FRAS1: variants seen among roughly 807,000 people sequenced by gnomAD.
FRAS1 encodes Fraser extracellular matrix complex subunit 1, also known as extracellular matrix organizing protein FRAS1.
FRAS1 carries 290 observed loss-of-function variants against 435.2 expected under a neutral mutation model. The ratio of observed to expected loss-of-function variants is 0.67; its 90% CI spans 0.61 to 0.73. The LOEUF (loss-of-function observed/expected upper bound fraction) is 0.73, where lower values mean the gene tolerates loss of function less well. Ranked by LOEUF, FRAS1 falls within the 30% of genes least tolerant of loss-of-function variation. The pLI is 0.00. For missense variants in FRAS1, 4,860 were observed against 5,001.5 expected, an observed-to-expected ratio of 0.97 and a Z score of 0.85; for synonymous variants, 1,800 against 1,851.0, an observed-to-expected ratio of 0.97 and a Z score of 0.71.
intron 2 of FRAS1, among the ~76,000 whole-genome samples, chr4:78,099,855 G>A (rs369343650): frequency 7.9e-5 from 12 of 152,156 alleles, no homozygotes; most frequent in Non-Finnish European, 1.6e-4. Context: ...TACAGTCATC[G>A]TTCCTTGTCC....
rs147751150 is a variant in FRAS1, at chr4:78,200,048, A to G, written c.109-37462A>G. The stretch of plus-strand genomic sequence containing the variant: ...TGAAATATGATTTCTGTACAGAAGT[A>G]GGTATAGGTAATAACAACCACCATC... On this transcript the variant is annotated intron_variant, in intron 2 of 73. Transcript: ENST00000512123. 3.2e-3 allele frequency among the ~76,000 whole-genome samples: 480 copies of G among 152,328 alleles called. 1 individual carries two copies. Among genetic ancestry groups the G allele is most frequent in the Non-Finnish European group, 5.2e-3 (352 of 68,034 alleles).
chr4:78,067,097 A>G lies in FRAS1; in HGVS notation c.108+1081A>G, dbSNP rs532239940. Among the ~76,000 whole-genome samples the G allele has an allele frequency of 1.3e-3, 201 of 152,332 alleles. 1 individual carries two copies. The highest frequency in any genetic ancestry group is 4.7e-3 in the African/African-American group (195 of 41,574). On this transcript the variant is annotated intron_variant, in intron 2 of 73. Coordinates refer to ENST00000512123, the MANE Select transcript of FRAS1 (RefSeq NM_025074.7). Reference sequence around the variant, plus strand: ...GGGGAGCTACAGTAGATATTTAGACAAGTCAGTTATCCGTGCTAATAAAAG... The same window carrying G: ...GGGGAGCTACAGTAGATATTTAGACGAGTCAGTTATCCGTGCTAATAAAAG...
intron 6 of FRAS1, among the ~76,000 whole-genome samples, chr4:78,258,771 A>C (rs1560608868): frequency 6.8e-6 from 1 of 147,548 alleles, no homozygotes; most frequent in Non-Finnish European, 1.5e-5. Context: ...TTAGTTACAT[A>C]TGTATACATG....
chr4:78,320,281 C>T (rs1267507115), intron 18 of FRAS1, among the ~76,000 whole-genome samples: 1 of 152,118 alleles, frequency 6.6e-6, no homozygotes, highest in African/African-American at 2.4e-5. Context: ...GGAATATGGG[C>T]ATCATTGTTG....
intron 4 of FRAS1, among the ~76,000 whole-genome samples, chr4:78,249,720 T>C (rs1725444914): frequency 6.6e-6 from 1 of 152,214 alleles, no homozygotes; most frequent in South Asian, 2.1e-4. Flanking sequence ...TAAATTTACA[T>C]GATCAGAGAG....
In FRAS1 at chr4:78,057,639, G is replaced by T. The variant is rs1739530492; in HGVS notation, c.-371G>T. 2 of 306,686 alleles carry T rather than the reference G, an allele frequency of 6.5e-6. No homozygotes were observed. The highest frequency in any genetic ancestry group is 6.3e-5 in the East Asian group (1 of 15,958). 19.0% of individuals were successfully genotyped at this position (306,686 alleles called of 1,614,324 possible). On this transcript the variant is annotated 5_prime_UTR_variant, in exon 1 of 74. Coordinates refer to ENST00000512123, the MANE Select transcript of FRAS1 (RefSeq NM_025074.7). The surrounding 1 kb of genome is among the most constrained non-coding windows in gnomAD (Gnocchi z 4.2). Reference sequence around the variant, plus strand: ...CTGTCGGGGACCCGGGATCGGAAGGGTCTAGCCCGAGGGAAATGCTGGAAG... The same window carrying T: ...CTGTCGGGGACCCGGGATCGGAAGGTTCTAGCCCGAGGGAAATGCTGGAAG...
chr4:78,267,071 C>T, intron 8 of FRAS1, 136 bp downstream of exon 8: 1 of 899,444 alleles, frequency 1.1e-6, no homozygotes, highest in Admixed American at 2.7e-5. Context: ...GATATGAAGG[C>T]TCTGCTTCCT....
Position 78,057,336 on chromosome 4 carries a change from C to G in FRAS1, c.-674C>G, listed in dbSNP as rs573391851. Among the ~76,000 whole-genome samples the G allele has an allele frequency of 2.6e-5, 4 of 152,298 alleles. No homozygotes were observed. Among genetic ancestry groups the G allele is most frequent in the African/African-American group, 9.6e-5 (4 of 41,574 alleles). ...GCGCCCCCCAGTCTTTCCTCTGAAG[C>G]TTCCGAACAGTCTGCTTCAGGGAGC... On this transcript the variant is annotated 5_prime_UTR_variant, in exon 1 of 74. Transcript: ENST00000512123. The surrounding 1 kb of genome is among the most constrained non-coding windows in gnomAD (Gnocchi z 4.2).
At chr4:78,512,969 A>T (rs1450105223) in intron 64 of FRAS1, among the ~76,000 whole-genome samples, 1 of 152,216 alleles carries the variant, frequency 6.6e-6, no homozygotes, top group African/African-American at 2.4e-5. Context: ...TCAAATACTT[A>T]AAAGAAATGT....
intron 2 of FRAS1, among the ~76,000 whole-genome samples, chr4:78,099,351 C>T (rs182125624): frequency 3.0e-4 from 45 of 152,268 alleles, no homozygotes; most frequent in South Asian, 1.0e-3. Flanking sequence ...ATGGCTGTGA[C>T]GGTAGGCATG....
At chr4:78,085,478 A>C (rs1741099006) in intron 2 of FRAS1, among the ~76,000 whole-genome samples, 1 of 152,156 alleles carries the variant, frequency 6.6e-6, no homozygotes, top group Non-Finnish European at 1.5e-5. Flanking sequence ...GTTAAAACTC[A>C]GATAGCAACA....
chr4:78,059,988 T>G (rs1282920269), intron 1 of FRAS1, among the ~76,000 whole-genome samples: 1 of 152,118 alleles, frequency 6.6e-6, no homozygotes, highest in Non-Finnish European at 1.5e-5. Context: ...GAGCATTCTA[T>G]AGCTGTTTCA....
At chr4:78,071,285 C>T (rs1740338671) in intron 2 of FRAS1, 1 of 152,122 alleles carries the variant, frequency 6.6e-6, no homozygotes, top group African/African-American at 2.4e-5. Flanking sequence ...TCATTATCTA[C>T]TTAATTGGGA....
At position 78,108,578 on chromosome 4, in the gene FRAS1, T is replaced by G. The variant is rs1200509725; in HGVS notation, c.108+42562T>G. On this transcript the variant is annotated intron_variant, in intron 2 of 73. Coordinates refer to ENST00000512123, the MANE Select transcript of FRAS1 (RefSeq NM_025074.7). ...AGAACAAAGACACCACATGCCAGAA[T>G]CTCTGGGACACATTCAAAGCAGTGT... Among the ~76,000 whole-genome samples the G allele has an allele frequency of 4.2e-4, 43 of 101,698 alleles. 4 individuals are homozygous for G. Among genetic ancestry groups the G allele is most frequent in the African/African-American group, 1.7e-3 (40 of 23,300 alleles). 66.7% of individuals were successfully genotyped at this position (101,698 alleles called of 152,430 possible).
chr4:78,279,345 T>TG (rs746440404), intron 10 of FRAS1, among the ~76,000 whole-genome samples: 7 of 152,096 alleles, frequency 4.6e-5, no homozygotes, highest in Non-Finnish European at 8.8e-5. Flanking sequence ...CTGAGGCAAA[T>TG]GGGAGCTGCT....
chr4:78,359,685 T>G (rs1179948421), intron 20 of FRAS1, among the ~76,000 whole-genome samples: 1 of 152,092 alleles, frequency 6.6e-6, no homozygotes, highest in Non-Finnish European at 1.5e-5. Context: ...TGAATACAGG[T>G]AGTGAACAAA....
Position 78,323,223 on chromosome 4 carries a change from G to T in FRAS1, c.2137+4237G>T, listed in dbSNP as rs1027728337. ...GGCTAGAATTGCTGGCACAAAAGAG[G>T]GTTTGTTGCTAATTGTAAAAGATTG... On this transcript the variant is annotated intron_variant, in intron 18 of 73. Transcript: ENST00000512123. Among the ~76,000 whole-genome samples the T allele has an allele frequency of 2.0e-5, 3 of 152,160 alleles. No homozygotes were observed. The East Asian group carries it at 5.8e-4, about 29-fold the overall frequency.
At chr4:78,093,184 G>C (rs1251849362) in intron 2 of FRAS1, among the ~76,000 whole-genome samples, 2 of 152,290 alleles carry the variant, frequency 1.3e-5, no homozygotes, top group East Asian at 3.9e-4. Flanking sequence ...TTTCAAACCA[G>C]AACAATTAGA....
Position 78,113,514 on chromosome 4 carries a change from G to T in FRAS1, c.108+47498G>T, listed in dbSNP as rs529061916. Among the ~76,000 whole-genome samples the T allele has an allele frequency of 3.9e-5, 6 of 152,148 alleles. No homozygotes were observed. In the South Asian group the frequency reaches 1.0e-3, roughly 26 times the overall value. ...GTTGTTTCCTGACTTTTTAATGATC[G>T]CCATTCTAACTGGTGTGAGATGGTA... On this transcript the variant is annotated intron_variant, in intron 2 of 73. Transcript: ENST00000512123.
Sources: gnomAD v4.1 joint callset for allele counts (sites outside exome capture counted in the v4.1 genomes callset) on GRCh38, gnomAD v4.1.1 for gene constraint, Gnocchi (gnomAD v3.1) non-coding constraint, MANE v1.5 for transcripts, NCBI Gene and HGNC (gene_info 2026-07-23, HGNC 2026-07-21) for gene names.